The following SMIM14 variants were observed in gnomAD, a reference collection of about 807,000 sequenced individuals.
The protein encoded by SMIM14 is chromosome 4 open reading frame 34.
SMIM14 carries 5 observed loss-of-function variants against 12.6 expected under a neutral mutation model. The observed-to-expected ratio is 0.40, with a 90% CI of 0.21 to 0.83. The LOEUF (loss-of-function observed/expected upper bound fraction) is 0.83, where lower values mean the gene tolerates loss of function less well. SMIM14 is among the 40% of genes least tolerant of loss of function. SMIM14 has a pLI of 0.37. For synonymous variants in SMIM14, 30 were observed against 40.1 expected, an observed-to-expected ratio of 0.75 and a Z score of 0.95; for missense variants, 86 against 119.1, an observed-to-expected ratio of 0.72 and a Z score of 1.29.
intron 2 of SMIM14, among the ~76,000 whole-genome samples, chr4:39,574,237 C>CTTTTTTTTTTTTTTT (rs11338888): frequency 4.7e-5 from 6 of 126,882 alleles, no homozygotes; most frequent in Non-Finnish European, 8.2e-5. Flanking sequence ...CTGCAACTTT[C>CTTTTTTTTTTTTTTT]TTTTTTTTTT....
intron 3 of SMIM14, among the ~76,000 whole-genome samples, chr4:39,570,630 G>C (rs144581259): frequency 7.2e-5 from 11 of 151,794 alleles, no homozygotes; most frequent in Admixed American, 1.3e-4. Flanking sequence ...TTAAACGCTG[G>C]TGCTTCCCCA....
intron 1 of SMIM14, among the ~76,000 whole-genome samples, chr4:39,621,634 GAAATAT>G (rs1206457158): frequency 6.8e-6 from 1 of 146,400 alleles, no homozygotes; most frequent in Admixed American, 6.9e-5. Flanking sequence ...CAGCTAAAAA[GAAATAT>G]TTAAATTGTG....
intron 1 of SMIM14, 172 bp downstream of exon 1, chr4:39,638,567 G>A: frequency 3.1e-6 from 3 of 983,230 alleles, no homozygotes; most frequent in Non-Finnish European, 2.4e-6. Flanking sequence ...CAGCAGCGGA[G>A]CTTCTCCCGG....
At chr4:39,625,622 G>C (rs1048893859) in intron 1 of SMIM14, among the ~76,000 whole-genome samples, 11 of 152,076 alleles carry the variant, frequency 7.2e-5, no homozygotes, top group Non-Finnish European at 1.6e-4. Flanking sequence ...TGTACTTTTA[G>C]TAGAGACGGG....
chr4:39,598,710 T>TA (rs200963609), intron 2 of SMIM14, among the ~76,000 whole-genome samples: 233 of 152,358 alleles, frequency 1.5e-3, no homozygotes, highest in African/African-American at 5.4e-3. Flanking sequence ...TTAAAGTTAG[T>TA]ACTTTTTTTG....
At chr4:39,630,798 G>T (rs1261460321) in intron 1 of SMIM14, among the ~76,000 whole-genome samples, 1 of 150,886 alleles carries the variant, frequency 6.6e-6, no homozygotes, top group East Asian at 2.0e-4. Context: ...GGAGGTGGAG[G>T]TTGCAGTGAG....
At chr4:39,609,689 C>T (rs535273009) in intron 1 of SMIM14, among the ~76,000 whole-genome samples, 2 of 152,202 alleles carry the variant, frequency 1.3e-5, no homozygotes, top group East Asian at 1.9e-4. Flanking sequence ...ATGATTAGGT[C>T]GTTACCCCAA....
intron 2 of SMIM14, among the ~76,000 whole-genome samples, chr4:39,575,410 G>C: frequency 6.6e-6 from 1 of 151,740 alleles, no homozygotes; most frequent in East Asian, 1.9e-4. Context: ...TGCCCAGGCT[G>C]GTCTCGAACT....
At chr4:39,625,153 G>A (rs373980504) in intron 1 of SMIM14, among the ~76,000 whole-genome samples, 5 of 151,360 alleles carry the variant, frequency 3.3e-5, no homozygotes, top group African/African-American at 1.2e-4. Context: ...AGGAGGTGGA[G>A]GTTGCAGTGA....
At chr4:39,593,769 G>C (rs1400141992) in intron 2 of SMIM14, 1 of 152,082 alleles carries the variant, frequency 6.6e-6, no homozygotes, top group African/African-American at 2.4e-5. Flanking sequence ...CAGACAAACA[G>C]AGAGCCAAAT....
At chr4:39,567,306 C>T (rs1182706746) in intron 3 of SMIM14, among the ~76,000 whole-genome samples, 1 of 151,986 alleles carries the variant, frequency 6.6e-6, no homozygotes, top group African/African-American at 2.4e-5. Flanking sequence ...GAATTGTATG[C>T]TAAGTACTCA....
chr4:39,562,595 C>T (rs1448419321), intron 3 of SMIM14, among the ~76,000 whole-genome samples: 1 of 151,876 alleles, frequency 6.6e-6, no homozygotes, highest in African/African-American at 2.4e-5. Flanking sequence ...CTCAAGTGAT[C>T]CTCTCACCTT....
chr4:39,623,861 G>GA, intron 1 of SMIM14, among the ~76,000 whole-genome samples: 1 of 151,502 alleles, frequency 6.6e-6, no homozygotes, highest in East Asian at 1.9e-4. Context: ...GACTCCATCT[G>GA]AAAAAATGAA....
chr4:39,583,800 A>G (rs758235840), intron 2 of SMIM14: 5 of 152,186 alleles, frequency 3.3e-5, no homozygotes, highest in Non-Finnish European at 5.9e-5. Context: ...CCAATCAGTC[A>G]CAAACTGATG....
chr4:39,607,304 A>G (rs1204229137), intron 1 of SMIM14, among the ~76,000 whole-genome samples: 1 of 152,272 alleles, frequency 6.6e-6, no homozygotes, highest in Non-Finnish European at 1.5e-5. Context: ...GAGTAAAATT[A>G]TGCTTATATA....
Position 39,584,481 on chromosome 4 carries a change from CAAAAAAAAAAAA to C in SMIM14, c.76-12030_76-12019del, listed in dbSNP as rs554273493. Among the ~76,000 whole-genome samples, 8 of 27,654 alleles carry C rather than the reference CAAAAAAAAAAAA, an allele frequency of 2.9e-4. 1 individual carries two copies. In the South Asian group the frequency reaches 0.02, roughly 69 times the overall value. The allele number at this position is 27,654 out of a possible 152,430, so 18.1% of individuals were successfully genotyped here. The stretch of plus-strand genomic sequence containing the variant: ...TGAGCGACAGAGTAAGACACTGTCT[CAAAAAAAAAAAA>C]AAAAAAAAAAAAGACAAACAGGCTG... On this transcript the variant is annotated intron_variant, in intron 2 of 4. Transcript: ENST00000295958.
In SMIM14 at chr4:39,577,766, C is replaced by T. The variant is rs116999708; in HGVS notation, c.76-5303G>A. Among the ~76,000 whole-genome samples the T allele has an allele frequency of 1.2e-3, 185 of 152,124 alleles. 4 individuals carry two copies. In the East Asian group the frequency reaches 0.031, roughly 26 times the overall value. On this transcript the variant is annotated intron_variant, in intron 2 of 4. Coordinates refer to ENST00000295958, the MANE Select transcript of SMIM14 (RefSeq NM_174921.3). The stretch of plus-strand genomic sequence containing the variant: ...AATGAAAAATGAGTGCCTTTGTACA[C>T]GTACTCACAAACACAATCAAGAATG...
intron 1 of SMIM14, among the ~76,000 whole-genome samples, chr4:39,609,181 C>G (rs959223434): frequency 6.6e-6 from 1 of 151,940 alleles, no homozygotes; most frequent in Non-Finnish European, 1.5e-5. Flanking sequence ...AGTGTTTCAC[C>G]ATGTTAGCCA....
chr4:39,631,390 G>A (rs1202033017), intron 1 of SMIM14, among the ~76,000 whole-genome samples: 1 of 151,884 alleles, frequency 6.6e-6, no homozygotes, highest in Non-Finnish European at 1.5e-5. Context: ...CGGGTGCAGT[G>A]GCTCATGCCT....
Sources: gnomAD v4.1 joint callset for allele counts (sites outside exome capture counted in the v4.1 genomes callset) on GRCh38, gnomAD v4.1.1 for gene constraint, MANE v1.5 for transcripts, NCBI Gene and HGNC (gene_info 2026-07-23, HGNC 2026-07-21) for gene names.